CACNA1D: variants seen among roughly 807,000 people sequenced by gnomAD.
CACNA1D encodes calcium voltage-gated channel subunit alpha1 D.
A neutral mutation model predicts 257.1 loss-of-function variants in CACNA1D; 55 were observed. The ratio of observed to expected loss-of-function variants is 0.21; its 90% CI spans 0.17 to 0.27. CACNA1D has a LOEUF of 0.27. Ranked by LOEUF, CACNA1D falls within the 10% of genes least tolerant of loss-of-function variation. The pLI is 1.00. For missense variants in CACNA1D, 1,876 were observed against 2,784.0 expected, an observed-to-expected ratio of 0.67 and a Z score of 7.34; for synonymous variants, 980 against 1,014.9, an observed-to-expected ratio of 0.97 and a Z score of 0.65.
chr3:53,582,419 G>A (rs1307727207), intron 3 of CACNA1D, among the ~76,000 whole-genome samples: 1 of 152,146 alleles, frequency 6.6e-6, no homozygotes, highest in Admixed American at 6.5e-5. Flanking sequence ...ACAGGCTGTG[G>A]ATCCTGGGTG....
At chr3:53,747,664 C>T (rs905600538) in intron 26 of CACNA1D, among the ~76,000 whole-genome samples, 2 of 152,214 alleles carry the variant, frequency 1.3e-5, no homozygotes, top group Non-Finnish European at 2.9e-5. Context: ...AGGTGCCTGG[C>T]AGCATCTCTG....
In CACNA1D at chr3:53,555,266, T is replaced by G. The variant is rs1359997544; in HGVS notation, c.483+53546T>G. 2.0e-5 allele frequency among the ~76,000 whole-genome samples: 3 copies of G among 152,196 alleles called. 1 individual carries two copies. ...TTTCCAGCTATGTTTTTTATGGCCC[T>G]GTATTTTACAAAGCTGTGGAAAATA... On this transcript the variant is annotated intron_variant, in intron 3 of 47. Coordinates refer to ENST00000350061, the MANE Select transcript of CACNA1D (RefSeq NM_001128840.3).
rs563387807 is a variant in CACNA1D at position 53,513,460 on chromosome 3, C to T, written c.483+11740C>T. On this transcript the variant is annotated intron_variant, in intron 3 of 47. Coordinates refer to ENST00000350061, the MANE Select transcript of CACNA1D (RefSeq NM_001128840.3). ...AGTTCGAGACCAGCTGGTGAAACCTCGTCTCTACCAAAAATACAAAAAAAT... is the reference window on the plus strand; with the variant it reads ...AGTTCGAGACCAGCTGGTGAAACCTTGTCTCTACCAAAAATACAAAAAAAT... Among the ~76,000 whole-genome samples, 90 of 152,202 alleles carry T rather than the reference C, an allele frequency of 5.9e-4. 1 individual carries two copies. Among genetic ancestry groups the T allele is most frequent in the Non-Finnish European group, 9.1e-4 (62 of 68,016 alleles).
intron 3 of CACNA1D, among the ~76,000 whole-genome samples, chr3:53,532,447 C>T (rs1245151231): frequency 6.6e-6 from 1 of 152,146 alleles, no homozygotes; most frequent in Non-Finnish European, 1.5e-5. Context: ...TAAACAGAGG[C>T]CCCAAGAGGT....
rs1383586390 is a variant in CACNA1D at position 53,751,805 on chromosome 3, A to C, written c.3573A>C (p.Lys1191Asn). ...KARPLRRYIP[K>N]NPYQYKFWYV... ...GTCCCTTGCGGAGATACATCCCCAA[A>C]AACCCCTACCAGTACAAGTTCTGGT... Residue 1191 changes from lysine (K) to asparagine (N), a missense_variant, in exon 28 of 48, where the codon AAA becomes AAC. Physicochemically the swap from Lys to Asn is moderately conservative, Grantham distance 94. Around this residue, in one of 10 missense-constraint regions of CACNA1D, gnomAD observed 204 missense variants for 309.4 expected, o/e 0.66. Coordinates refer to ENST00000350061, the MANE Select transcript of CACNA1D (RefSeq NM_001128840.3). This position sits in a 1 kb window ranked among gnomAD's most constrained non-coding sequence, Gnocchi z 4.3. The C allele has an allele frequency of 6.2e-7, 1 of 1,613,982 alleles. No homozygotes were observed. The highest frequency in any genetic ancestry group is 8.5e-7 in the Non-Finnish European group (1 of 1,180,006).
intron 3 of CACNA1D, among the ~76,000 whole-genome samples, chr3:53,623,277 A>G (rs923930820): frequency 2.0e-5 from 3 of 152,272 alleles, no homozygotes; most frequent in African/African-American, 4.8e-5. Flanking sequence ...TGTATATTTT[A>G]CTTTAAAATA....
chr3:53,798,070 T>C (rs952849216), intron 40 of CACNA1D: 8 of 152,216 alleles, frequency 5.3e-5, no homozygotes, highest in Non-Finnish European at 1.2e-4. Flanking sequence ...CCCTTGATGA[T>C]GTACCCTAGG....
chr3:53,643,311 G>A (rs551446283), intron 3 of CACNA1D, among the ~76,000 whole-genome samples: 63 of 152,142 alleles, frequency 4.1e-4, no homozygotes, highest in Admixed American at 2.3e-3. Flanking sequence ...CTGAGCCGAC[G>A]CCTGCCTGCC....
chr3:53,720,354 G>T (rs2108696302), intron 11 of CACNA1D, among the ~76,000 whole-genome samples: 1 of 152,294 alleles, frequency 6.6e-6, no homozygotes, highest in Non-Finnish European at 1.5e-5. Context: ...CTTGAGTTAT[G>T]CAAAGGTTTC....
chr3:53,613,441 C>T (rs1394683755), intron 3 of CACNA1D, among the ~76,000 whole-genome samples: 4 of 152,076 alleles, frequency 2.6e-5, no homozygotes, highest in Admixed American at 2.0e-4. Context: ...AGAAACCAGA[C>T]GTTGTAATTC....
At chr3:53,810,646 T>G (rs1459211186) in intron 47 of CACNA1D, 2 of 353,898 alleles carry the variant, frequency 5.7e-6, no homozygotes, top group Non-Finnish European at 1.1e-5. Context: ...TAATCCCAGC[T>G]ACTCAGGAGG....
intron 40 of CACNA1D, 56 bp downstream of exon 40, chr3:53,787,008 T>G: frequency 1.3e-6 from 2 of 1,581,624 alleles, no homozygotes; most frequent in Non-Finnish European, 1.7e-6. Flanking sequence ...ACAAGCTTAT[T>G]TGAAATACTA....
At chr3:53,762,608 G>A (rs1251540140) in intron 30 of CACNA1D, 13 of 456,584 alleles carry the variant, frequency 2.8e-5, no homozygotes, top group African/African-American at 6.0e-5. Context: ...TGGTAGCGTC[G>A]TTGATATTGC....
intron 47 of CACNA1D, among the ~76,000 whole-genome samples, chr3:53,810,787 C>CAAAAAAAAAAAAAAA (rs960057720): frequency 1.1e-5 from 1 of 87,750 alleles, no homozygotes; most frequent in African/African-American, 4.5e-5. Flanking sequence ...AAAAAAAAAA[C>CAAAAAAAAAAAAAAA]AAAAACTGGT....
intron 3 of CACNA1D, among the ~76,000 whole-genome samples, chr3:53,541,498 G>T (rs2107524658): frequency 6.6e-6 from 1 of 152,250 alleles, no homozygotes; most frequent in East Asian, 1.9e-4. Flanking sequence ...TTGTGAAATG[G>T]GCGCGGAGAA....
intron 3 of CACNA1D, among the ~76,000 whole-genome samples, chr3:53,522,425 A>G (rs1361188926): frequency 6.7e-6 from 1 of 149,772 alleles, no homozygotes; most frequent in African/African-American, 2.6e-5. Context: ...AGGCAGAGAC[A>G]CTTCTTCTGC....
At chr3:53,591,988 A>C (rs2093311928) in intron 3 of CACNA1D, among the ~76,000 whole-genome samples, 1 of 152,028 alleles carries the variant, frequency 6.6e-6, no homozygotes, top group South Asian at 2.1e-4. Context: ...GAACACCTTG[A>C]TTCTTCTGTA....
At chr3:53,742,812 T>G (rs2095130624) in intron 21 of CACNA1D, among the ~76,000 whole-genome samples, 199 bp from the exon 22 acceptor site, 1 of 152,260 alleles carries the variant, frequency 6.6e-6, no homozygotes, top group Admixed American at 6.5e-5. Context: ...TCTTTTAAAA[T>G]GTATCCAAAA....
At chr3:53,768,412 T>C (rs575531942) in intron 30 of CACNA1D, among the ~76,000 whole-genome samples, 1 of 152,128 alleles carries the variant, frequency 6.6e-6, no homozygotes, top group East Asian at 1.9e-4. Flanking sequence ...GAGGGAAGAG[T>C]GGAACCTTCC....
Sources: gnomAD v4.1 joint callset for allele counts (sites outside exome capture counted in the v4.1 genomes callset) on GRCh38, gnomAD v4.1.1 for gene constraint, gnomAD v4.1.1 regional missense constraint, Gnocchi (gnomAD v3.1) non-coding constraint, MANE v1.5 for transcripts, NCBI Gene and HGNC (gene_info 2026-07-23, HGNC 2026-07-21) for gene names.